ADAMTS6: variants seen among roughly 807,000 people sequenced by gnomAD.
The protein encoded by ADAMTS6 is A disintegrin and metalloproteinase with thrombospondin motifs 6.
Under a neutral mutation model 144.3 loss-of-function variants are expected in ADAMTS6, and 23 were observed. That is an observed-to-expected ratio of 0.16 (90% CI 0.11 to 0.23). The LOEUF (loss-of-function observed/expected upper bound fraction) is 0.23. ADAMTS6 is among the 10% of genes least tolerant of loss of function. The pLI, the probability that ADAMTS6 is intolerant of heterozygous loss-of-function variation, is 1.00. For synonymous variants in ADAMTS6, 444 were observed against 457.5 expected (o/e 0.97, Z 0.38); for missense variants, 999 against 1,379.6 (o/e 0.72, Z 4.37).
At chr5:65,311,917 A>G (rs2112845192) in intron 9 of ADAMTS6, among the ~76,000 whole-genome samples, 1 of 152,212 alleles carries the variant, frequency 6.6e-6, no homozygotes, top group East Asian at 1.9e-4. Context: ...TGTCTAAGCA[A>G]TCTTAATTTT....
At chr5:65,248,805 A>G (rs1759879564) in intron 14 of ADAMTS6, among the ~76,000 whole-genome samples, 1 of 152,156 alleles carries the variant, frequency 6.6e-6, no homozygotes, top group African/African-American at 2.4e-5. Context: ...TTAAGAAACA[A>G]AGTTTTACTT....
chr5:65,295,984 T>C (rs1462179641), intron 10 of ADAMTS6, among the ~76,000 whole-genome samples: 3 of 152,096 alleles, frequency 2.0e-5, no homozygotes, highest in Admixed American at 1.3e-4. Context: ...ATGTAAAATA[T>C]GCACTCATGG....
At chr5:65,310,903 T>C (rs957079323) in intron 9 of ADAMTS6, among the ~76,000 whole-genome samples, 3 of 152,192 alleles carry the variant, frequency 2.0e-5, no homozygotes, top group African/African-American at 7.2e-5. Context: ...ATCCCTAGCC[T>C]AGTAATTTTG....
intron 13 of ADAMTS6, among the ~76,000 whole-genome samples, chr5:65,261,453 A>G (rs1561345101): frequency 7.2e-6 from 1 of 138,724 alleles, no homozygotes; most frequent in Non-Finnish European, 1.6e-5. Flanking sequence ...TATATTATTT[A>G]TCACAGGGTT....
intron 24 of ADAMTS6, among the ~76,000 whole-genome samples, chr5:65,163,863 C>A (rs534574467): frequency 1.3e-5 from 2 of 152,060 alleles, no homozygotes; most frequent in African/African-American, 4.8e-5. Flanking sequence ...GTGACTCGCA[C>A]GTAGTAGCAT....
chr5:65,229,380 T>C (rs780419797), intron 15 of ADAMTS6, among the ~76,000 whole-genome samples: 8 of 152,130 alleles, frequency 5.3e-5, no homozygotes, highest in Non-Finnish European at 1.0e-4. Flanking sequence ...AGCAACACAG[T>C]ACTTCAAGAA....
At chr5:65,443,617 T>G in intron 7 of ADAMTS6, among the ~76,000 whole-genome samples, 1 of 84,984 alleles carries the variant, frequency 1.2e-5, no homozygotes. Context: ...AGTGAGACCC[T>G]GTCTCAAAAA....
chr5:65,155,837 T>A (rs1254797501), intron 24 of ADAMTS6, among the ~76,000 whole-genome samples: 1 of 152,138 alleles, frequency 6.6e-6, no homozygotes, highest in African/African-American at 2.4e-5. Flanking sequence ...CATAGTCAGG[T>A]TTCGTTTCTT....
At chr5:65,235,823 A>G (rs533600043) in intron 15 of ADAMTS6, among the ~76,000 whole-genome samples, 40 of 152,296 alleles carry the variant, frequency 2.6e-4, no homozygotes, top group Admixed American at 6.5e-4. Context: ...ACCCTGACTA[A>G]TACAGTTGTT....
chr5:65,356,897 T>C (rs1749372457), intron 7 of ADAMTS6, among the ~76,000 whole-genome samples: 1 of 151,876 alleles, frequency 6.6e-6, no homozygotes, highest in Non-Finnish European at 1.5e-5. Flanking sequence ...ACCTCAATTC[T>C]GTTTTATTTA....
At chr5:65,342,319 T>G (rs1246593661) in intron 7 of ADAMTS6, among the ~76,000 whole-genome samples, 2 of 152,080 alleles carry the variant, frequency 1.3e-5, no homozygotes, top group Admixed American at 6.6e-5. Context: ...GAAAGGCATG[T>G]CTCACATGGT....
intron 15 of ADAMTS6, among the ~76,000 whole-genome samples, chr5:65,237,641 T>C (rs1446255527): frequency 6.6e-6 from 1 of 151,998 alleles, no homozygotes; most frequent in Non-Finnish European, 1.5e-5. Flanking sequence ...AGCAAAGACA[T>C]CATAAGAAGA....
intron 9 of ADAMTS6, among the ~76,000 whole-genome samples, chr5:65,314,932 C>A (rs1744846556): frequency 6.6e-6 from 1 of 152,082 alleles, no homozygotes; most frequent in Non-Finnish European, 1.5e-5. Context: ...ATCCCAATCA[C>A]CCACATTTGA....
At chr5:65,260,515 A>C in intron 14 of ADAMTS6, 85 bp downstream of exon 14, 1 of 1,069,704 alleles carries the variant, frequency 9.3e-7, no homozygotes, top group Non-Finnish European at 1.4e-6. Context: ...TGTATTTCTT[A>C]TCAAATAGTT....
At chr5:65,399,712 TAG>T (rs1022581569) in intron 7 of ADAMTS6, among the ~76,000 whole-genome samples, 19 of 115,972 alleles carry the variant, frequency 1.6e-4, no homozygotes, top group Non-Finnish European at 3.3e-4. Context: ...TGAGCATATA[TAG>T]ATACAGATAC....
At chr5:65,472,491 T>C (rs1760531540) in intron 2 of ADAMTS6, among the ~76,000 whole-genome samples, 2 of 152,212 alleles carry the variant, frequency 1.3e-5, no homozygotes, top group African/African-American at 4.8e-5. Flanking sequence ...TTCTATGGTA[T>C]GTGTAGTAAT....
intron 7 of ADAMTS6, among the ~76,000 whole-genome samples, chr5:65,368,227 T>A (rs1403532792): frequency 1.3e-5 from 2 of 152,206 alleles, no homozygotes; most frequent in African/African-American, 4.8e-5. Context: ...CATTTAAGAA[T>A]AGAAACTCCT....
chr5:65,393,889 T>C (rs1013886805), intron 7 of ADAMTS6, among the ~76,000 whole-genome samples: 33 of 152,204 alleles, frequency 2.2e-4, no homozygotes, highest in African/African-American at 7.7e-4. Flanking sequence ...ATTTCTTTCT[T>C]GTTCATTTGT....
At chr5:65,260,882 C>T (rs1761141081) in intron 13 of ADAMTS6, among the ~76,000 whole-genome samples, 1 of 151,842 alleles carries the variant, frequency 6.6e-6, no homozygotes, top group South Asian at 2.1e-4. Flanking sequence ...ATTAATAGTA[C>T]TATTAATTTT....
Sources: allele counts gnomAD v4.1 joint callset (sites outside exome capture counted in the v4.1 genomes callset), GRCh38; gene constraint gnomAD v4.1.1; transcripts MANE v1.5; gene names NCBI Gene and HGNC (gene_info 2026-07-23, HGNC 2026-07-21).